The following MAGI2 variants were observed in gnomAD, a reference collection of about 807,000 sequenced individuals.
The protein encoded by MAGI2 is membrane associated guanylate kinase, WW and PDZ domain containing 2.
A neutral mutation model predicts 133.3 loss-of-function variants in MAGI2; 35 were observed. The observed-to-expected ratio is 0.26, with a 90% CI of 0.20 to 0.35. The LOEUF is 0.35. Among genes scored for constraint, MAGI2 ranks in the 10% least tolerant of loss-of-function variants. The pLI is 1.00. For synonymous variants in MAGI2, 729 were observed against 710.6 expected, an observed-to-expected ratio of 1.03 and a Z score of -0.41; for missense variants, 1,636 against 1,863.4, an observed-to-expected ratio of 0.88 and a Z score of 2.25.
At chr7:79,379,742 T>G (rs1401188169) in intron 1 of MAGI2, among the ~76,000 whole-genome samples, 1 of 152,000 alleles carries the variant, frequency 6.6e-6, no homozygotes, top group Admixed American at 6.6e-5. Flanking sequence ...ATGTGTCTTT[T>G]GGCTGCATAA....
chr7:78,096,981 C>T (rs1304918033), intron 20 of MAGI2, among the ~76,000 whole-genome samples: 6 of 152,068 alleles, frequency 3.9e-5, no homozygotes, highest in African/African-American at 1.2e-4. Flanking sequence ...GAACAAACAA[C>T]CCCATTAAAA....
At position 78,089,439 on chromosome 7, in the gene MAGI2, T is replaced by G. The variant is rs543988007; in HGVS notation, c.3568-10354A>C. On this transcript the variant is annotated intron_variant, in intron 20 of 21. Coordinates refer to ENST00000354212, the MANE Select transcript of MAGI2 (RefSeq NM_012301.4). ...GGGTAGGTGTGGGATGGAATTGATT[T>G]TAAAACATCAAATATGCCAAATATG... is the stretch of plus-strand genomic sequence containing the variant. Among the ~76,000 whole-genome samples, 5 of 152,304 alleles carry G rather than the reference T, an allele frequency of 3.3e-5. No homozygotes were observed. In the East Asian group the frequency reaches 9.6e-4, roughly 29 times the overall value.
chr7:78,455,209 A>T (rs1789181888), intron 6 of MAGI2, among the ~76,000 whole-genome samples: 1 of 152,150 alleles, frequency 6.6e-6, no homozygotes, highest in Admixed American at 6.6e-5. Context: ...CTTTCTGTTC[A>T]AGTTTTCTAT....
chr7:78,982,515 T>G (rs1304163263), intron 2 of MAGI2, among the ~76,000 whole-genome samples: 1 of 151,806 alleles, frequency 6.6e-6, no homozygotes, highest in African/African-American at 2.4e-5. Flanking sequence ...AGCAGTTAAT[T>G]TTTTTTAACA....
At position 78,701,580 on chromosome 7, in the gene MAGI2, A is replaced by G. The variant is rs1441327507; in HGVS notation, c.419-74341T>C. ...CAGAAAAGGTGGTATTTGTGCTAAG[A>G]ATTTCTCTAATCCAGGTTAGTTAAT... On this transcript the variant is annotated intron_variant, in intron 2 of 21. Transcript: ENST00000354212. Among the ~76,000 whole-genome samples, 11 of 151,846 alleles carry G rather than the reference A, an allele frequency of 7.2e-5. No homozygotes were observed. In the South Asian group the frequency reaches 1.5e-3, roughly 20 times the overall value.
At chr7:78,044,983 A>G (rs966155771) in intron 21 of MAGI2, among the ~76,000 whole-genome samples, 11 of 152,176 alleles carry the variant, frequency 7.2e-5, no homozygotes, top group African/African-American at 2.4e-4. Flanking sequence ...CCTGGCCAAC[A>G]CGGTGAAACC....
chr7:78,178,956 A>G (rs1380105802), intron 13 of MAGI2, among the ~76,000 whole-genome samples: 2 of 152,226 alleles, frequency 1.3e-5, no homozygotes, highest in Non-Finnish European at 2.9e-5. Flanking sequence ...AGAAGAAACT[A>G]AAACTATTAA....
Position 78,921,947 on chromosome 7 carries a change from T to G in MAGI2, c.418+85143A>C, listed in dbSNP as rs555487287. Among the ~76,000 whole-genome samples, 16 of 152,184 alleles carry G rather than the reference T, an allele frequency of 1.1e-4. No homozygotes were observed. In the South Asian group the frequency reaches 2.1e-3, roughly 20 times the overall value. On this transcript the variant is annotated intron_variant, in intron 2 of 21. Coordinates refer to ENST00000354212, the MANE Select transcript of MAGI2 (RefSeq NM_012301.4). ...CTGTGTCCGGCCCAGATTTTAATATTCTAATACCATTGCCTCCAGAGCCAT... is the reference window on the plus strand; with the variant it reads ...CTGTGTCCGGCCCAGATTTTAATATGCTAATACCATTGCCTCCAGAGCCAT...
intron 2 of MAGI2, among the ~76,000 whole-genome samples, chr7:78,712,911 G>T (rs572357229): frequency 6.6e-6 from 1 of 152,230 alleles, no homozygotes; most frequent in East Asian, 1.9e-4. Context: ...AATAATTTTA[G>T]TGTGAATGTT....
intron 2 of MAGI2, among the ~76,000 whole-genome samples, chr7:78,937,431 C>T (rs889599688): frequency 6.6e-6 from 1 of 151,942 alleles, no homozygotes; most frequent in Admixed American, 6.6e-5. Flanking sequence ...GTAATAGTTG[C>T]AGACAAAAAT....
chr7:78,791,992 G>T (rs1034449343), intron 2 of MAGI2, among the ~76,000 whole-genome samples: 3 of 152,142 alleles, frequency 2.0e-5, no homozygotes, highest in African/African-American at 7.2e-5. Context: ...TGCATAGGAT[G>T]CTATACACTA....
intron 11 of MAGI2, chr7:78,197,960 T>A (rs930200851): frequency 1.3e-5 from 2 of 152,602 alleles, no homozygotes; most frequent in African/African-American, 4.8e-5. Flanking sequence ...GACTCTTCCC[T>A]CCTTCCTTAG....
chr7:78,947,486 T>C (rs1801515317), intron 2 of MAGI2, among the ~76,000 whole-genome samples: 1 of 152,148 alleles, frequency 6.6e-6, no homozygotes, highest in Non-Finnish European at 1.5e-5. Flanking sequence ...TAATTTCTGA[T>C]GAAATGTTAG....
At chr7:78,502,271 G>A (rs1794693533) in intron 4 of MAGI2, among the ~76,000 whole-genome samples, 1 of 152,062 alleles carries the variant, frequency 6.6e-6, no homozygotes, top group East Asian at 1.9e-4. Context: ...AGAAAAGAAG[G>A]GTAAAAGGGA....
At chr7:79,268,819 G>C (rs1447620427) in intron 1 of MAGI2, among the ~76,000 whole-genome samples, 1 of 152,112 alleles carries the variant, frequency 6.6e-6, no homozygotes, top group Non-Finnish European at 1.5e-5. Flanking sequence ...ATTTCACAGG[G>C]GGTCGCTGTG....
intron 2 of MAGI2, among the ~76,000 whole-genome samples, chr7:78,715,274 T>C (rs1411601668): frequency 6.6e-6 from 1 of 152,144 alleles, no homozygotes; most frequent in Non-Finnish European, 1.5e-5. Context: ...ATAGAGTGAA[T>C]TGGAATGGAC....
chr7:78,517,605 G>T (rs1157141769), intron 4 of MAGI2, among the ~76,000 whole-genome samples: 1 of 152,166 alleles, frequency 6.6e-6, no homozygotes, highest in Non-Finnish European at 1.5e-5. Flanking sequence ...CATTAGAGGA[G>T]AGTGGCCATT....
intron 2 of MAGI2, among the ~76,000 whole-genome samples, chr7:78,976,596 T>A (rs1244655229): frequency 6.6e-6 from 1 of 151,342 alleles, no homozygotes; most frequent in Non-Finnish European, 1.5e-5. Flanking sequence ...CTGGAAGTTC[T>A]ATCTAGTGAA....
chr7:78,531,215 G>GA (rs1554459990), intron 3 of MAGI2, among the ~76,000 whole-genome samples: 1 of 135,670 alleles, frequency 7.4e-6, no homozygotes, highest in Non-Finnish European at 1.6e-5. Flanking sequence ...TATTAATTAA[G>GA]TTTTTTTTTT....
Sources: allele counts gnomAD v4.1 joint callset (sites outside exome capture counted in the v4.1 genomes callset), GRCh38; gene constraint gnomAD v4.1.1; transcripts MANE v1.5; gene names NCBI Gene and HGNC (gene_info 2026-07-23, HGNC 2026-07-21).